Variants in TMCO5A observed in about 807,000 individuals in gnomAD.
The protein encoded by TMCO5A is transmembrane and coiled-coil domains 5A.
Under a neutral mutation model 42.3 loss-of-function variants are expected in TMCO5A, and 34 were observed. That is an observed-to-expected ratio of 0.80 (90% CI 0.61 to 1.07). The LOEUF (loss-of-function observed/expected upper bound fraction) is 1.07. Among genes scored for constraint, TMCO5A ranks in the 50% least tolerant of loss-of-function variants. TMCO5A has a pLI of 0.00. For missense variants in TMCO5A, 357 were observed against 327.9 expected (o/e 1.09, Z -0.69); for synonymous variants, 131 against 115.6 (o/e 1.13, Z -0.86).
At chr15:37,988,891 T>C in the TMCO5A span, among the ~76,000 whole-genome samples, 263 of 152,132 alleles carry the variant, frequency 1.7e-3, no homozygotes, top group African/African-American at 6.0e-3. Context: ...TCCTCCTGTA[T>C]GATATTTTTC....
the TMCO5A span, among the ~76,000 whole-genome samples, chr15:37,982,743 TATAA>T: frequency 6.9e-6 from 1 of 144,052 alleles, no homozygotes; most frequent in Non-Finnish European, 1.5e-5. Flanking sequence ...TATAAATATA[TATAA>T]ATATATAATA....
rs1195016450 is a variant in TMCO5A, at chr15:37,951,220, A to G, written c.853A>G (p.Met285Val). The G allele has an allele frequency of 1.2e-6, 2 of 1,613,654 alleles. No individual in the cohort carries two copies. The highest frequency in any genetic ancestry group is 1.3e-5 in the African/African-American group (1 of 75,024). The change falls in exon 12 of 12, where the codon ATG becomes GTG. Residue 285 changes from methionine (M) to valine (V), a missense_variant. Physicochemically the swap from Met to Val is conservative, Grantham distance 21. Coordinates refer to ENST00000319669, the MANE Select transcript of TMCO5A (RefSeq NM_152453.4). ...FPSLTLETED[M>V]LPH ...ATCTCTCACACTTGAGACAGAGGAC[A>G]TGTTACCCCACTGATTCCCTAAGAA... is the stretch of plus-strand genomic sequence containing the variant.
At chr15:38,034,411 T>C in the TMCO5A span, among the ~76,000 whole-genome samples, 2 of 152,238 alleles carry the variant, frequency 1.3e-5, no homozygotes, top group African/African-American at 2.4e-5. Context: ...AGAATTTGTA[T>C]ACCTGGGACA....
At chr15:37,999,708 C>T in the TMCO5A span, among the ~76,000 whole-genome samples, 4 of 152,070 alleles carry the variant, frequency 2.6e-5, no homozygotes, top group African/African-American at 9.7e-5. Context: ...TTCTTCCATA[C>T]CCAGTTTTTT....
chr15:37,964,885 C>T (rs1294182186), intron 11 of TMCO5A, among the ~76,000 whole-genome samples: 1 of 152,052 alleles, frequency 6.6e-6, no homozygotes, highest in Non-Finnish European at 1.5e-5. Flanking sequence ...ATACCAACGA[C>T]ATTCTTCACA....
chr15:37,997,583 T>C, the TMCO5A span, among the ~76,000 whole-genome samples: 1 of 152,202 alleles, frequency 6.6e-6, no homozygotes, highest in Non-Finnish European at 1.5e-5. Context: ...AGTATGTATG[T>C]ATCACATTTT....
chr15:38,015,675 G>A, the TMCO5A span, among the ~76,000 whole-genome samples: 1 of 152,116 alleles, frequency 6.6e-6, no homozygotes, highest in Non-Finnish European at 1.5e-5. Context: ...GTAGGTAAAT[G>A]TATAAATAAA....
intron 11 of TMCO5A, 103 bp downstream of exon 11, chr15:37,947,799 T>G: frequency 1.4e-6 from 1 of 710,110 alleles, no homozygotes; most frequent in East Asian, 2.6e-5. Flanking sequence ...TGTATATGCG[T>G]GTGCACACAT....
chr15:38,004,950 G>C, the TMCO5A span: 1 of 152,144 alleles, frequency 6.6e-6, no homozygotes, highest in African/African-American at 2.4e-5. Context: ...TGGCCGTCTT[G>C]CTCTCCCTTC....
chr15:37,984,190 G>A, the TMCO5A span, among the ~76,000 whole-genome samples: 1 of 152,194 alleles, frequency 6.6e-6, no homozygotes, highest in African/African-American at 2.4e-5. Context: ...AATACATGAA[G>A]CTTTTTTTAG....
At chr15:37,994,931 A>G in the TMCO5A span, among the ~76,000 whole-genome samples, 1 of 151,690 alleles carries the variant, frequency 6.6e-6, no homozygotes, top group Admixed American at 6.6e-5. Context: ...TTTGGTTTTG[A>G]CTCCCCCAGA....
exon 12 of TMCO5A, chr15:37,967,567 G>A (rs1379633984): frequency 6.6e-6 from 1 of 152,096 alleles, no homozygotes; most frequent in African/African-American, 2.4e-5. Flanking sequence ...GGTTACCAGA[G>A]GCTGTAACCT....
At chr15:37,997,681 G>A in the TMCO5A span, among the ~76,000 whole-genome samples, 1 of 152,142 alleles carries the variant, frequency 6.6e-6, no homozygotes, top group East Asian at 1.9e-4. Flanking sequence ...TAAGAGTGCA[G>A]ATATTTCTTC....
the TMCO5A span, among the ~76,000 whole-genome samples, chr15:37,981,200 C>CAAAAAAAAAA: frequency 1.4e-4 from 9 of 65,322 alleles, no homozygotes; most frequent in African/African-American, 4.5e-4. Flanking sequence ...AGAAAGCCAG[C>CAAAAAAAAAA]AAAAAAAAAA....
At chr15:38,024,890 G>A in the TMCO5A span, 1 of 152,326 alleles carries the variant, frequency 6.6e-6, no homozygotes, top group Non-Finnish European at 1.5e-5. Flanking sequence ...TTTTCTTCAT[G>A]AGGCCTGCCA....
intron 1 of TMCO5A, among the ~76,000 whole-genome samples, 200 bp from the exon 2 acceptor site, chr15:37,935,057 T>C (rs928191800): frequency 1.3e-5 from 2 of 152,122 alleles, no homozygotes; most frequent in Non-Finnish European, 2.9e-5. Flanking sequence ...ATCCTGACTG[T>C]ATCTTTAATA....
the TMCO5A span, among the ~76,000 whole-genome samples, chr15:38,006,508 T>C: frequency 6.6e-6 from 1 of 152,308 alleles, no homozygotes; most frequent in Admixed American, 6.5e-5. Context: ...CTGTGATTAA[T>C]GAATGCCAAA....
the TMCO5A span, among the ~76,000 whole-genome samples, chr15:37,979,007 AG>A: frequency 1.3e-5 from 2 of 151,874 alleles, no homozygotes; most frequent in East Asian, 1.9e-4. Context: ...CAGAGTACCA[AG>A]GGGGAAATCC....
intron 10 of TMCO5A, among the ~76,000 whole-genome samples, chr15:37,946,204 T>C (rs1307686672): frequency 6.6e-6 from 1 of 152,136 alleles, no homozygotes; most frequent in East Asian, 1.9e-4. Context: ...TTCTGAGTTT[T>C]CTATTTCATT....
Sources: allele counts gnomAD v4.1 joint callset (sites outside exome capture counted in the v4.1 genomes callset), GRCh38; gene constraint gnomAD v4.1.1; transcripts MANE v1.5; gene names NCBI Gene and HGNC (gene_info 2026-07-23, HGNC 2026-07-21).